The following THSD7B variants were observed in gnomAD, a reference collection of about 807,000 sequenced individuals.
THSD7B encodes thrombospondin type 1 domain containing 7B, also known as thrombospondin type-1 domain-containing protein 7B.
THSD7B carries 138 observed loss-of-function variants against 213.6 expected under a neutral mutation model. The ratio of observed to expected loss-of-function variants is 0.65; its 90% CI spans 0.56 to 0.74. The LOEUF is 0.74. Among genes scored for constraint, THSD7B ranks in the 30% least tolerant of loss-of-function variants. The probability of loss-of-function intolerance (pLI) is 0.00; values close to 1 mark genes in which losing one functional copy is unlikely to be tolerated. For synonymous variants in THSD7B, 742 were observed against 687.0 expected (o/e 1.08, Z -1.25); for missense variants, 1,931 against 1,991.5 (o/e 0.97, Z 0.58).
At chr2:137,496,119 G>A (rs887087164) in intron 15 of THSD7B, among the ~76,000 whole-genome samples, 1 of 152,116 alleles carries the variant, frequency 6.6e-6, no homozygotes, top group African/African-American at 2.4e-5. Context: ...TGTAGTTTGA[G>A]CCATCCTTTG....
intron 15 of THSD7B, among the ~76,000 whole-genome samples, chr2:137,555,441 G>A (rs1345179195): frequency 6.6e-6 from 1 of 152,230 alleles, no homozygotes. Context: ...AGGGCCTGGA[G>A]TGGACCTCCA....
chr2:136,945,787 C>T (rs1684926400), intron 2 of THSD7B, among the ~76,000 whole-genome samples: 2 of 152,218 alleles, frequency 1.3e-5, no homozygotes, highest in Admixed American at 1.3e-4. Context: ...GTGCATGCGT[C>T]ACGTGGTTCT....
intron 2 of THSD7B, chr2:136,990,891 G>C: frequency 7.4e-7 from 1 of 1,347,246 alleles, no homozygotes; most frequent in Non-Finnish European, 9.9e-7. Context: ...GAGGCGAAAC[G>C]ATGCATAACA....
intron 14 of THSD7B, among the ~76,000 whole-genome samples, chr2:137,427,599 ATAC>A (rs966972601): frequency 2.1e-4 from 32 of 152,256 alleles, no homozygotes; most frequent in African/African-American, 6.7e-4. Flanking sequence ...AGAAAGACAA[ATAC>A]TACATGATCT....
chr2:136,774,351 T>G (rs991538814), intron 1 of THSD7B, among the ~76,000 whole-genome samples: 1 of 152,174 alleles, frequency 6.6e-6, no homozygotes, highest in South Asian at 2.1e-4. Context: ...TGGTAGTAAT[T>G]TTTTGGTAGA....
At chr2:137,541,663 G>A in intron 15 of THSD7B, among the ~76,000 whole-genome samples, 1 of 151,560 alleles carries the variant, frequency 6.6e-6, no homozygotes, top group East Asian at 1.9e-4. Flanking sequence ...CAAAGATTTT[G>A]AACCTATTTT....
intron 2 of THSD7B, among the ~76,000 whole-genome samples, chr2:137,054,996 T>G (rs1687135095): frequency 6.6e-6 from 1 of 152,192 alleles, no homozygotes; most frequent in Non-Finnish European, 1.5e-5. Flanking sequence ...GTGTTCTCAT[T>G]GTTCAACTCC....
At chr2:137,409,343 T>C (rs1285267940) in intron 13 of THSD7B, among the ~76,000 whole-genome samples, 1 of 152,256 alleles carries the variant, frequency 6.6e-6, no homozygotes, top group Non-Finnish European at 1.5e-5. Context: ...ATGCAATGAA[T>C]CTTTATGCAT....
At chr2:136,866,967 A>AC (rs2104977528) in intron 1 of THSD7B, among the ~76,000 whole-genome samples, 2 of 151,456 alleles carry the variant, frequency 1.3e-5, no homozygotes, top group African/African-American at 4.9e-5. Context: ...TAATTGTATT[A>AC]TATCATAATC....
chr2:137,668,413 G>T (rs1384897046), intron 27 of THSD7B, among the ~76,000 whole-genome samples: 1 of 150,234 alleles, frequency 6.7e-6, no homozygotes, highest in East Asian at 1.9e-4. Context: ...ATATTGACCA[G>T]CTATGAGACA....
At chr2:137,242,611 C>T (rs777297002) in intron 10 of THSD7B, 39 bp downstream of exon 10, 2 of 1,494,526 alleles carry the variant, frequency 1.3e-6, no homozygotes, top group South Asian at 2.3e-5. Context: ...TCTTCCCTAA[C>T]CTGATTGTTT....
At chr2:137,369,441 T>C (rs1030833959) in intron 12 of THSD7B, among the ~76,000 whole-genome samples, 1 of 152,194 alleles carries the variant, frequency 6.6e-6, no homozygotes, top group African/African-American at 2.4e-5. Context: ...CTGGACTGTT[T>C]CTTTGTGACT....
chr2:136,774,105 A>G (rs1231837215), intron 1 of THSD7B, among the ~76,000 whole-genome samples: 2 of 152,026 alleles, frequency 1.3e-5, no homozygotes, highest in Non-Finnish European at 2.9e-5. Flanking sequence ...TCTTGTTTCC[A>G]GCCTAATAAT....
At chr2:137,555,606 A>AACAGAACAG (rs1185155557) in intron 15 of THSD7B, among the ~76,000 whole-genome samples, 1 of 152,174 alleles carries the variant, frequency 6.6e-6, no homozygotes, top group Admixed American at 6.5e-5. Flanking sequence ...AACAGAGCAG[A>AACAGAACAG]AAAATTGAAA....
intron 16 of THSD7B, among the ~76,000 whole-genome samples, chr2:137,568,060 G>A (rs1681276938): frequency 6.6e-6 from 1 of 152,098 alleles, no homozygotes; most frequent in African/African-American, 2.4e-5. Context: ...GTAATCAATT[G>A]TTTCAAAGGC....
chr2:137,076,390 A>T (rs1032049642), intron 3 of THSD7B, among the ~76,000 whole-genome samples: 1 of 152,224 alleles, frequency 6.6e-6, no homozygotes, highest in Non-Finnish European at 1.5e-5. Context: ...CCTCCGAGCC[A>T]TGTGAGGGAT....
intron 2 of THSD7B, among the ~76,000 whole-genome samples, chr2:136,959,281 G>C (rs518614): frequency 0.41 from 61,958 of 152,066 alleles, 14,817 homozygotes; most frequent in Non-Finnish European, 0.55. Flanking sequence ...ACTTGTGTTG[G>C]CTTAAAGGAG....
At chr2:136,819,985 A>G (rs114275951) in intron 1 of THSD7B, among the ~76,000 whole-genome samples, 2,431 of 152,112 alleles carry the variant, frequency 0.016, 59 homozygotes, top group African/African-American at 0.056. Context: ...CACCCCTTCA[A>G]GTCTTTGCTC....
At chr2:137,178,069 CAAAAAAAAAAAAA>C (rs35624670) in intron 7 of THSD7B, among the ~76,000 whole-genome samples, 1 of 57,516 alleles carries the variant, frequency 1.7e-5, no homozygotes, top group African/African-American at 6.2e-5. Context: ...AACTCCGTCT[CAAAAAAAAAAAAA>C]AAAAAAAAAA....
Sources: gnomAD v4.1 joint callset for allele counts (sites outside exome capture counted in the v4.1 genomes callset) on GRCh38, gnomAD v4.1.1 for gene constraint, MANE v1.5 for transcripts, NCBI Gene and HGNC (gene_info 2026-07-23, HGNC 2026-07-21) for gene names.